Variants in TUT4 observed in about 807,000 individuals in gnomAD.
The protein encoded by TUT4 is terminal uridylyltransferase 4.
Under a neutral mutation model 192.2 loss-of-function variants are expected in TUT4, and 36 were observed. The ratio of observed to expected loss-of-function variants is 0.19; its 90% CI spans 0.14 to 0.25. TUT4 has a LOEUF of 0.25. Ranked by LOEUF, TUT4 falls within the 10% of genes least tolerant of loss-of-function variation. The probability of loss-of-function intolerance (pLI) is 1.00; values close to 1 mark genes in which losing one functional copy is unlikely to be tolerated. For synonymous variants in TUT4, 618 were observed against 666.0 expected (o/e 0.93, Z 1.11); for missense variants, 1,493 against 1,957.2 (o/e 0.76, Z 4.47).
intron 1 of TUT4, among the ~76,000 whole-genome samples, chr1:52,548,425 T>C (rs1688621170): frequency 6.6e-6 from 1 of 152,198 alleles, no homozygotes; most frequent in Admixed American, 6.5e-5. Context: ...TTTAACTCTC[T>C]GTACACAAAA....
intron 2 of TUT4, among the ~76,000 whole-genome samples, chr1:52,519,929 G>A (rs113805707): frequency 6.6e-6 from 1 of 151,972 alleles, no homozygotes; most frequent in Non-Finnish European, 1.5e-5. Flanking sequence ...TGAGGCAGGA[G>A]AATTGCTTGA....
At chr1:52,455,107 A>AAGAAAGAAAG (rs1660495086) in intron 20 of TUT4, among the ~76,000 whole-genome samples, 1 of 152,056 alleles carries the variant, frequency 6.6e-6, no homozygotes, top group African/African-American at 2.4e-5. Flanking sequence ...AACATGGAGA[A>AAGAAAGAAAG]ACCCAATCTC....
At chr1:52,471,229 C>G (rs568904243) in intron 14 of TUT4, among the ~76,000 whole-genome samples, 2 of 152,164 alleles carry the variant, frequency 1.3e-5, no homozygotes, top group East Asian at 1.9e-4. Flanking sequence ...GTTGGCCAGG[C>G]TGGTCTCGAA....
chr1:52,437,968 A>G (rs1654336681), intron 25 of TUT4, among the ~76,000 whole-genome samples: 2 of 152,140 alleles, frequency 1.3e-5, no homozygotes, highest in Non-Finnish European at 2.9e-5. Flanking sequence ...AAAAACAAAA[A>G]TAAAAACAAA....
chr1:52,428,393 G>A (rs747431654), intron 28 of TUT4, among the ~76,000 whole-genome samples: 3 of 151,766 alleles, frequency 2.0e-5, no homozygotes, highest in African/African-American at 4.8e-5. Flanking sequence ...TTGGGAGGCC[G>A]AGGCAGGCGG....
intron 5 of TUT4, among the ~76,000 whole-genome samples, chr1:52,495,739 A>C (rs567852722): frequency 6.6e-6 from 1 of 152,306 alleles, no homozygotes; most frequent in African/African-American, 2.4e-5. Flanking sequence ...TACTCACAGA[A>C]GCTTACTGTT....
At chr1:52,537,865 C>T (rs1395576169) in intron 1 of TUT4, among the ~76,000 whole-genome samples, 2 of 151,940 alleles carry the variant, frequency 1.3e-5, no homozygotes, top group African/African-American at 2.4e-5. Flanking sequence ...GAGCTGAGAT[C>T]GGGCCACTGC....
At chr1:52,513,132 A>AC (rs1406003810) in intron 3 of TUT4, among the ~76,000 whole-genome samples, 1 of 151,480 alleles carries the variant, frequency 6.6e-6, no homozygotes, top group African/African-American at 2.4e-5. Flanking sequence ...CAAAAAAAAA[A>AC]AAAAAAGTAC....
chr1:52,469,625 T>A (rs1221766567), intron 14 of TUT4, among the ~76,000 whole-genome samples: 1 of 152,096 alleles, frequency 6.6e-6, no homozygotes, highest in Non-Finnish European at 1.5e-5. Context: ...GCGCCGTGGC[T>A]CACACCTGTA....
chr1:52,515,960 A>G lies in TUT4; in HGVS notation c.813T>C (p.Pro271=). 1 of 1,613,622 alleles carries G rather than the reference A, an allele frequency of 6.2e-7. No homozygotes were observed. Among genetic ancestry groups the G allele is most frequent in the South Asian group, 1.1e-5 (1 of 91,042 alleles). Residue 271 remains proline, a synonymous_variant, in exon 3 of 30, where the codon CCT becomes CCC. Transcript: ENST00000257177. ...ATVIDESALT[P]EQRLGLKQAE... ...CTTGTTTCAACCCCAGCCTCTGCTC[A>G]GGTGTCAATGCAGATTCATCTATCA...
intron 14 of TUT4, among the ~76,000 whole-genome samples, chr1:52,469,297 G>A (rs1252891195): frequency 2.0e-5 from 3 of 151,946 alleles, no homozygotes; most frequent in Non-Finnish European, 4.4e-5. Context: ...AGGGAGTGGG[G>A]GGAAAGGTGC....
chr1:52,424,088 CTT>C (rs1001050497), intron 29 of TUT4, 86 bp from the exon 30 acceptor site: 16 of 1,363,768 alleles, frequency 1.2e-5, no homozygotes, highest in Non-Finnish European at 1.5e-5. Context: ...AGTTAGCTTT[CTT>C]TTTTTCTATT....
rs561732154 is a variant in TUT4 at position 52,468,092 on chromosome 1, T to C, written c.2965+89A>G. 50 of 946,368 alleles carry C rather than the reference T, an allele frequency of 5.3e-5. No homozygotes were observed. In the East Asian group the frequency reaches 5.6e-4, roughly 11 times the overall value. The allele number at this position is 946,368 out of a possible 1,614,324, so 58.6% of individuals were successfully genotyped here. ...AGCAACTAGAACAGTACTTAACACA[T>C]AGCATTCAATAAATATTTTTAAATA... On this transcript the variant is annotated intron_variant, in intron 15 of 29. Transcript: ENST00000257177.
At chr1:52,460,742 T>G (rs932735097) in intron 19 of TUT4, among the ~76,000 whole-genome samples, 4 of 152,204 alleles carry the variant, frequency 2.6e-5, no homozygotes, top group African/African-American at 9.7e-5. Flanking sequence ...AGTGTTATAA[T>G]AGGAGAAGCG....
intron 27 of TUT4, chr1:52,431,664 G>C: frequency 2.7e-6 from 1 of 375,914 alleles, no homozygotes; most frequent in Non-Finnish European, 4.6e-6. Flanking sequence ...CCAAAGAAAC[G>C]AGAGCCCAGA....
intron 9 of TUT4, among the ~76,000 whole-genome samples, chr1:52,486,579 C>A (rs903745365): frequency 1.3e-5 from 2 of 151,978 alleles, no homozygotes; most frequent in Admixed American, 6.6e-5. Context: ...TTAAAAAAAT[C>A]TTTTAGAAGA....
At chr1:52,509,561 AAAAT>A (rs1166708515) in intron 4 of TUT4, 31 bp downstream of exon 4, 6 of 1,154,786 alleles carry the variant, frequency 5.2e-6, no homozygotes, top group Non-Finnish European at 7.4e-6. Flanking sequence ...TACAACTTGA[AAAAT>A]AAATAAAAGT....
At chr1:52,504,683 T>C (rs1042730448) in intron 4 of TUT4, among the ~76,000 whole-genome samples, 1 of 151,648 alleles carries the variant, frequency 6.6e-6, no homozygotes, top group Non-Finnish European at 1.5e-5. Context: ...AAAAACCAAA[T>C]ACTATAACAC....
chr1:52,448,884 T>G (rs774867249), intron 20 of TUT4, among the ~76,000 whole-genome samples: 6 of 152,230 alleles, frequency 3.9e-5, no homozygotes, highest in Non-Finnish European at 7.3e-5. Flanking sequence ...GATTTCATAC[T>G]TCTCAGTAAT....
Sources: allele counts gnomAD v4.1 joint callset (sites outside exome capture counted in the v4.1 genomes callset), GRCh38; gene constraint gnomAD v4.1.1; transcripts MANE v1.5; gene names NCBI Gene and HGNC (gene_info 2026-07-23, HGNC 2026-07-21).